ZNF469: variants seen among roughly 807,000 people sequenced by gnomAD.
ZNF469 encodes zinc finger protein 469.
Under a neutral mutation model 1.0 loss-of-function variants are expected in ZNF469, and 1 was observed. The ratio of observed to expected loss-of-function variants is 1.00; its 90% CI spans 0.35 to 4.73. The LOEUF is 4.73. Ranked by LOEUF, ZNF469 falls within the 30% of genes most tolerant of loss-of-function variation. ZNF469 has a pLI of 0.16. For synonymous variants in ZNF469, 2,703 were observed against 2,363.4 expected (o/e 1.14, Z -4.17); for missense variants, 6,100 against 5,356.3 (o/e 1.14, Z -4.33).
At chr16:88,226,949 T>A in the ZNF469 span, among the ~76,000 whole-genome samples, 38 of 151,998 alleles carry the variant, frequency 2.5e-4, 1 homozygote, top group African/African-American at 9.2e-4. Flanking sequence ...AAAAATGCCC[T>A]GCGCGTTTCC....
In ZNF469 at chr16:88,438,972, C is replaced by T. The variant is rs1030545648; in HGVS notation, c.11502C>T (p.Phe3834=). The change falls in exon 3 of 3, where the codon TTC becomes TTT. Residue 3834 remains phenylalanine (F), a synonymous_variant. Transcript: ENST00000565624. ...CCAGGAGTGAAAGTGTGGGGAGCTT[C>T]GGGAGAGCCCCCTCAGCCCCTGACA... The part of the protein sequence containing the change: ...GPARSESVGS[F]GRAPSAPDKP... 32 of 1,550,338 alleles carry T rather than the reference C, an allele frequency of 2.1e-5. No individual in the cohort carries two copies. In the Admixed American group the frequency reaches 4.5e-4, roughly 22 times the overall value.
chr16:88,257,758 A>AGTAAC, the ZNF469 span, among the ~76,000 whole-genome samples: 1 of 152,198 alleles, frequency 6.6e-6, no homozygotes, highest in Non-Finnish European at 1.5e-5. Context: ...TGGGAAGGTC[A>AGTAAC]GTAACTTGGA....
the ZNF469 span, among the ~76,000 whole-genome samples, chr16:88,137,526 C>G: frequency 6.6e-6 from 1 of 152,246 alleles, no homozygotes; most frequent in Non-Finnish European, 1.5e-5. Flanking sequence ...CACATGCATG[C>G]AACCACATGT....
chr16:88,348,725 A>G, the ZNF469 span, among the ~76,000 whole-genome samples: 2 of 152,092 alleles, frequency 1.3e-5, no homozygotes, highest in African/African-American at 2.4e-5. Flanking sequence ...CCTGGGTTGG[A>G]TCCGGGGAGC....
At chr16:88,418,746 T>C (rs929343676) in intron 1 of ZNF469, among the ~76,000 whole-genome samples, 4 of 152,204 alleles carry the variant, frequency 2.6e-5, no homozygotes, top group African/African-American at 9.7e-5. Flanking sequence ...TGCGCCGTAT[T>C]CTTAAACTTA....
chr16:88,193,104 GGTGGTGGTGGTGA>G, the ZNF469 span, among the ~76,000 whole-genome samples: 36 of 90,854 alleles, frequency 4.0e-4, 1 homozygote, highest in Non-Finnish European at 6.6e-4. Flanking sequence ...TGGTGTTGAT[GGTGGTGGTGGTGA>G]TGGTGGTGGT....
rs913278695 is a variant in ZNF469, at chr16:88,430,249, C to T, written c.2779C>T (p.Arg927Cys). The T allele has an allele frequency of 1.2e-5, 19 of 1,526,846 alleles. No homozygotes were observed. The highest frequency in any genetic ancestry group is 2.0e-5 in the Admixed American group (1 of 49,992). The allele number at this position is 1,526,846 out of a possible 1,614,324, so 94.6% of individuals were successfully genotyped here. The change falls in exon 3 of 3, where the codon CGT (arginine) becomes TGT (cysteine). Residue 927 changes from arginine to cysteine, a missense_variant. Coordinates refer to ENST00000565624, the MANE Select transcript of ZNF469 (RefSeq NM_001367624.2). ...CCCAGCCCGAGGCAGGCCCAAAACGCGTTCCCTGGGTCTGGCCCCCACCGA... is the reference window on the plus strand; with the variant it reads ...CCCAGCCCGAGGCAGGCCCAAAACGTGTTCCCTGGGTCTGGCCCCCACCGA... ...GCPARGRPKT[R>C]SLGLAPTEAD...
At chr16:88,342,034 A>T in the ZNF469 span, among the ~76,000 whole-genome samples, 1 of 151,842 alleles carries the variant, frequency 6.6e-6, no homozygotes, top group African/African-American at 2.4e-5. Flanking sequence ...TCCAGCCAAC[A>T]GGGTCCCAGG....
chr16:88,138,679 C>A, the ZNF469 span, among the ~76,000 whole-genome samples: 1 of 152,206 alleles, frequency 6.6e-6, no homozygotes, highest in Non-Finnish European at 1.5e-5. Flanking sequence ...GCCATGTGAC[C>A]AAATTCACCT....
the ZNF469 span, among the ~76,000 whole-genome samples, chr16:88,261,995 CCCA>C: frequency 6.6e-6 from 1 of 152,218 alleles, no homozygotes; most frequent in Non-Finnish European, 1.5e-5. This position sits in a 1 kb window ranked among gnomAD's most constrained non-coding sequence, Gnocchi z 6.0. Flanking sequence ...TCCTCTCCCT[CCCA>C]CCATCTGTGC....
At chr16:88,241,357 TA>T in the ZNF469 span, among the ~76,000 whole-genome samples, 47,179 of 134,646 alleles carry the variant, frequency 0.35, 9,431 homozygotes, top group African/African-American at 0.61. The surrounding 1 kb of genome is among the most constrained non-coding windows in gnomAD (Gnocchi z 4.8). Flanking sequence ...AGACTCCCTC[TA>T]AAAAAAAAAA....
chr16:88,273,395 G>A, the ZNF469 span, among the ~76,000 whole-genome samples: 5 of 151,654 alleles, frequency 3.3e-5, no homozygotes, highest in African/African-American at 7.3e-5. Context: ...ATGAAAAGAC[G>A]CACAATATCA....
chr16:88,128,510 C>A, the ZNF469 span, among the ~76,000 whole-genome samples: 1 of 152,232 alleles, frequency 6.6e-6, no homozygotes, highest in Non-Finnish European at 1.5e-5. Context: ...ACACTTTACA[C>A]TTTGCTTAGA....
chr16:88,320,073 A>G, the ZNF469 span, among the ~76,000 whole-genome samples: 1 of 152,180 alleles, frequency 6.6e-6, no homozygotes, highest in Non-Finnish European at 1.5e-5. Flanking sequence ...CCAGGCCTCC[A>G]CTCATGGAGC....
the ZNF469 span, among the ~76,000 whole-genome samples, chr16:88,338,920 G>A: frequency 6.6e-6 from 1 of 152,112 alleles, no homozygotes; most frequent in African/African-American, 2.4e-5. Context: ...TCTGTATGGA[G>A]AGAACATTTG....
the ZNF469 span, among the ~76,000 whole-genome samples, chr16:88,141,112 A>G: frequency 2.6e-5 from 4 of 152,224 alleles, no homozygotes; most frequent in Admixed American, 6.5e-5. Context: ...TTACGGACAC[A>G]ATAAATTCTG....
chr16:88,236,938 T>G, the ZNF469 span, among the ~76,000 whole-genome samples: 1 of 152,132 alleles, frequency 6.6e-6, no homozygotes, highest in African/African-American at 2.4e-5. Context: ...TAATTTTTTC[T>G]TAATTAATAA....
chr16:88,200,086 G>C, the ZNF469 span, among the ~76,000 whole-genome samples: 1 of 151,988 alleles, frequency 6.6e-6, no homozygotes, highest in South Asian at 2.1e-4. Flanking sequence ...CGTGCCCCGG[G>C]GGGAGGATGA....
chr16:88,140,726 G>T, the ZNF469 span, among the ~76,000 whole-genome samples: 1 of 152,198 alleles, frequency 6.6e-6, no homozygotes, highest in Admixed American at 6.5e-5. Context: ...GAGGTCAGGA[G>T]TTCGAGACCA....
Sources: gnomAD v4.1 joint callset for allele counts (sites outside exome capture counted in the v4.1 genomes callset) on GRCh38, gnomAD v4.1.1 for gene constraint, Gnocchi (gnomAD v3.1) non-coding constraint, MANE v1.5 for transcripts, NCBI Gene and HGNC (gene_info 2026-07-23, HGNC 2026-07-21) for gene names.